The following ELOVL7 variants were observed in gnomAD, a reference collection of about 807,000 sequenced individuals.
ELOVL7 encodes the protein ELOVL fatty acid elongase 7, also known as very long chain fatty acid elongase 7.
A neutral mutation model predicts 35.7 loss-of-function variants in ELOVL7; 27 were observed. That is an observed-to-expected ratio of 0.76 (90% CI 0.56 to 1.04). The LOEUF (loss-of-function observed/expected upper bound fraction) is 1.04, where lower values mean the gene tolerates loss of function less well. ELOVL7 is among the 50% of genes least tolerant of loss of function. The probability of loss-of-function intolerance (pLI) is 0.00; values close to 1 mark genes in which losing one functional copy is unlikely to be tolerated. For synonymous variants in ELOVL7, 113 were observed against 114.6 expected (o/e 0.99, Z 0.09); for missense variants, 327 against 340.8 (o/e 0.96, Z 0.32).
At chr5:60,798,042 C>T (rs766484039) in intron 2 of ELOVL7, among the ~76,000 whole-genome samples, 3 of 152,150 alleles carry the variant, frequency 2.0e-5, no homozygotes, top group Non-Finnish European at 2.9e-5. Flanking sequence ...TGAGTTGTCC[C>T]GCGTTTCCAC....
Position 60,766,631 on chromosome 5 carries a change from C to G in ELOVL7, c.337-1G>C. The G allele has an allele frequency of 6.2e-7, 1 of 1,611,052 alleles. No homozygotes were observed. Among genetic ancestry groups the G allele is most frequent in the Non-Finnish European group, 8.5e-7 (1 of 1,178,804 alleles). On this transcript the variant is annotated splice_acceptor_variant, in intron 5 of 8. Transcript: ENST00000508821. LOFTEE classifies it high-confidence loss of function. ...AATAAAGCCAGCAGGTACGTGCCAT[C>G]TGCAGAAGCACAAATAAATCTAAAT...
At chr5:60,817,679 CACACACACCATATATAT>C (rs138739203) in intron 1 of ELOVL7, among the ~76,000 whole-genome samples, 1,940 of 141,426 alleles carry the variant, frequency 0.014, 20 homozygotes, top group Non-Finnish European at 0.022. Context: ...CACATATATA[CACACACACCATATATAT>C]ACACACACCA....
chr5:60,789,564 C>T (rs139359147), intron 2 of ELOVL7, among the ~76,000 whole-genome samples: 98 of 152,294 alleles, frequency 6.4e-4, no homozygotes, highest in African/African-American at 2.3e-3. Flanking sequence ...TTGCCATTAT[C>T]AGTCAAAATT....
rs1747360609 is a variant in ELOVL7 at position 60,844,191 on chromosome 5, C to G, written c.-117G>C. 1 of 152,124 alleles carries G rather than the reference C, an allele frequency of 6.6e-6. No homozygotes were observed. The highest frequency in any genetic ancestry group is 1.5e-5 in the Non-Finnish European group (1 of 68,098). The allele number at this position is 152,124 out of a possible 1,614,324, so 9.4% of individuals were successfully genotyped here. A position where few individuals can be genotyped will look rare whatever the true frequency, so the allele number is the denominator to read the frequency against. On this transcript the variant is annotated 5_prime_UTR_variant, in exon 1 of 9. Transcript: ENST00000508821. ...GGGAGCGGAGCCGAAGCGCCGGGCG[C>G]GCGCGGGAGAGAGGGCGGCGACTGG...
intron 3 of ELOVL7, chr5:60,783,978 C>T (rs1044986922): frequency 6.7e-6 from 4 of 594,744 alleles, no homozygotes; most frequent in Admixed American, 2.2e-5. Context: ...GGAAGGCAGG[C>T]TGTCTGACAG....
Position 60,840,689 on chromosome 5 carries a change from C to T in ELOVL7, c.-86+3471G>A, listed in dbSNP as rs550719277. 2.0e-5 allele frequency among the ~76,000 whole-genome samples: 3 copies of T among 152,258 alleles called. No individual in the cohort carries two copies. The South Asian group carries it at 6.2e-4, about 32-fold the overall frequency. Reference sequence around the variant, plus strand: ...AAGTTAGGTAAAATGCATTGATCCTCTTTTTAAAATCGCTTTTAGAAATCT... The same window carrying T: ...AAGTTAGGTAAAATGCATTGATCCTTTTTTTAAAATCGCTTTTAGAAATCT... On this transcript the variant is annotated intron_variant, in intron 1 of 8. Transcript: ENST00000508821.
intron 1 of ELOVL7, among the ~76,000 whole-genome samples, chr5:60,813,939 T>G (rs1445487308): frequency 6.6e-6 from 1 of 152,136 alleles, no homozygotes; most frequent in East Asian, 1.9e-4. Flanking sequence ...ATGTATGAGA[T>G]TTGTAAGAAC....
At chr5:60,788,325 A>T (rs1482609205) in intron 2 of ELOVL7, among the ~76,000 whole-genome samples, 1 of 152,192 alleles carries the variant, frequency 6.6e-6, no homozygotes, top group Non-Finnish European at 1.5e-5. Context: ...TGGTGGGAAC[A>T]TGTAAAAGTT....
chr5:60,757,602 A>C lies in ELOVL7; in HGVS notation c.543T>G (p.His181Gln), dbSNP rs1741622282. Residue 181 changes from histidine to glutamine, a missense_variant, in exon 8 of 9, where the codon CAT (histidine) becomes CAG (glutamine). His to Gln is a conservative substitution (Grantham distance 24, BLOSUM62 0). Transcript: ENST00000508821. ...GTCCATAGTAGGAATACATGACTAC[A>C]TGTACAGCTGTATTTAGAAGGGCAT... ...TFHALLNTAV[H>Q]VVMYSYYGLS... The C allele has an allele frequency of 6.2e-7, 1 of 1,612,658 alleles. No homozygotes were observed. The highest frequency in any genetic ancestry group is 8.5e-7 in the Non-Finnish European group (1 of 1,179,032).
intron 2 of ELOVL7, among the ~76,000 whole-genome samples, chr5:60,796,463 T>C (rs1002850198): frequency 2.6e-5 from 4 of 152,188 alleles, no homozygotes; most frequent in African/African-American, 9.6e-5. Context: ...TTGGCTTCCA[T>C]CCACGAGTGC....
At chr5:60,824,332 G>C (rs1746048851) in intron 1 of ELOVL7, among the ~76,000 whole-genome samples, 1 of 152,196 alleles carries the variant, frequency 6.6e-6, no homozygotes, top group African/African-American at 2.4e-5. Context: ...GTCGGCATTT[G>C]AAGGGACGTG....
intron 1 of ELOVL7, chr5:60,843,334 A>C (rs1026010418): frequency 1.6e-4 from 24 of 151,642 alleles, no homozygotes; most frequent in African/African-American, 5.8e-4. Flanking sequence ...TCTGACTTGA[A>C]GGGGGAAAGC....
chr5:60,759,414 G>T (rs1158214137), intron 7 of ELOVL7, among the ~76,000 whole-genome samples: 1 of 149,424 alleles, frequency 6.7e-6, no homozygotes, highest in African/African-American at 2.4e-5. Context: ...TTTAAAAATA[G>T]AATAGTTGTC....
At chr5:60,764,418 G>C in intron 6 of ELOVL7, 86 bp from the exon 7 acceptor site, 1 of 989,228 alleles carries the variant, frequency 1.0e-6, no homozygotes, top group East Asian at 2.6e-5. Context: ...AAAGTGCAAA[G>C]TATTTCATAT....
chr5:60,771,278 A>G (rs187299365), intron 4 of ELOVL7, among the ~76,000 whole-genome samples: 488 of 152,302 alleles, frequency 3.2e-3, no homozygotes, highest in Admixed American at 5.4e-3. Context: ...GAGAGAATTC[A>G]TGAATCTGTT....
At chr5:60,815,064 T>A (rs913526331) in intron 1 of ELOVL7, among the ~76,000 whole-genome samples, 2 of 152,202 alleles carry the variant, frequency 1.3e-5, no homozygotes, top group South Asian at 4.1e-4. Context: ...GAATTTTAAG[T>A]GGTAGCCTTT....
chr5:60,815,598 C>T (rs1745473161), intron 1 of ELOVL7, among the ~76,000 whole-genome samples: 3 of 150,202 alleles, frequency 2.0e-5, no homozygotes, highest in Admixed American at 1.3e-4. Context: ...GACAGAGTCT[C>T]GTTCTGTTAC....
intron 1 of ELOVL7, among the ~76,000 whole-genome samples, chr5:60,801,226 C>T (rs947456568): frequency 1.3e-5 from 2 of 152,128 alleles, no homozygotes; most frequent in African/African-American, 4.8e-5. Context: ...CTATGCCTGG[C>T]CTGGACTAGA....
chr5:60,811,468 C>T (rs1191597795), intron 1 of ELOVL7, among the ~76,000 whole-genome samples: 3 of 151,796 alleles, frequency 2.0e-5, no homozygotes, highest in Non-Finnish European at 4.4e-5. Context: ...ATGACATATT[C>T]CTGAAAGGGG....
Sources: gnomAD v4.1 joint callset for allele counts (sites outside exome capture counted in the v4.1 genomes callset) on GRCh38, gnomAD v4.1.1 for gene constraint, MANE v1.5 for transcripts, NCBI Gene and HGNC (gene_info 2026-07-23, HGNC 2026-07-21) for gene names.